Variants in PDE4D observed in about 807,000 individuals in gnomAD.
PDE4D encodes 3',5'-cyclic-AMP phosphodiesterase 4D.
In PDE4D, 24 loss-of-function variants were observed where a neutral mutation model predicts 87.4. The observed-to-expected ratio is 0.27, with a 90% CI of 0.20 to 0.39. The LOEUF (loss-of-function observed/expected upper bound fraction) is 0.39, where lower values mean the gene tolerates loss of function less well. PDE4D is among the 10% of genes least tolerant of loss of function. The probability of loss-of-function intolerance (pLI) is 1.00; values close to 1 mark genes in which losing one functional copy is unlikely to be tolerated. For missense variants in PDE4D, 714 were observed against 1,041.0 expected (o/e 0.69, Z 4.32); for synonymous variants, 384 against 383.2 (o/e 1.00, Z -0.02).
At chr5:59,227,082 A>G (rs1025596999) in intron 1 of PDE4D, among the ~76,000 whole-genome samples, 1 of 152,172 alleles carries the variant, frequency 6.6e-6, no homozygotes, top group Non-Finnish European at 1.5e-5. Context: ...ACTCAGTTTT[A>G]TTTTCCTTGT....
chr5:59,031,429 C>T (rs1289373942), intron 6 of PDE4D, among the ~76,000 whole-genome samples: 3 of 136,272 alleles, frequency 2.2e-5, no homozygotes, highest in Non-Finnish European at 3.1e-5. Context: ...TTATACAGGC[C>T]GGGCGCAGTG....
intron 1 of PDE4D, among the ~76,000 whole-genome samples, chr5:59,699,508 G>A (rs1372683161): frequency 6.6e-6 from 1 of 152,120 alleles, no homozygotes; most frequent in Non-Finnish European, 1.5e-5. Flanking sequence ...TAAGACTGCA[G>A]GAAATTAAGA....
chr5:59,032,364 G>A (rs765252241), intron 6 of PDE4D, among the ~76,000 whole-genome samples: 5 of 152,114 alleles, frequency 3.3e-5, no homozygotes, highest in African/African-American at 7.2e-5. Flanking sequence ...GGAGGATCAC[G>A]AGGTCAAGAG....
chr5:59,778,003 G>A (rs1764249302), intron 1 of PDE4D, among the ~76,000 whole-genome samples: 1 of 152,098 alleles, frequency 6.6e-6, no homozygotes. Flanking sequence ...TTACATAATT[G>A]AAAGGTAAAC....
chr5:59,214,329 A>G (rs1275753260), intron 2 of PDE4D, among the ~76,000 whole-genome samples: 1 of 152,138 alleles, frequency 6.6e-6, no homozygotes, highest in Non-Finnish European at 1.5e-5. Flanking sequence ...ACTGTATTTG[A>G]AATTTTCTTC....
chr5:59,553,216 CCCCTCACTTT>C (rs1818398912), intron 1 of PDE4D, among the ~76,000 whole-genome samples: 1 of 152,090 alleles, frequency 6.6e-6, no homozygotes, highest in African/African-American at 2.4e-5. Context: ...TCATCCTAGG[CCCCTCACTTT>C]CCCTCACTCC....
In PDE4D at chr5:60,332,300, A is replaced by G. The variant is rs1281503000; in HGVS notation, c.-89-146613T>C. 7.2e-5 allele frequency among the ~76,000 whole-genome samples: 11 copies of G among 152,306 alleles called. No individual in the cohort carries two copies. The East Asian group carries it at 2.1e-3, about 29-fold the overall frequency. On this transcript the variant is annotated intron_variant, in intron 1 of 16. Transcript: ENST00000502484. ...CTGTTGTCCAGATAGTGAACATAGTATCCAAAAGGAAGTTGTTTAGCCCTT... is the reference window on the plus strand; with the variant it reads ...CTGTTGTCCAGATAGTGAACATAGTGTCCAAAAGGAAGTTGTTTAGCCCTT...
At chr5:60,388,386 T>C (rs1343358611) in intron 1 of PDE4D, among the ~76,000 whole-genome samples, 1 of 148,422 alleles carries the variant, frequency 6.7e-6, no homozygotes, top group African/African-American at 2.6e-5. Context: ...GGTTTTTTCT[T>C]TATTTTTTCT....
intron 2 of PDE4D, among the ~76,000 whole-genome samples, chr5:59,207,247 T>C (rs1211935782): frequency 6.6e-6 from 1 of 152,062 alleles, no homozygotes; most frequent in Admixed American, 6.6e-5. Context: ...CACTGGAGCA[T>C]GGTTTTGATT....
At chr5:60,402,676 G>T (rs1237773496) in intron 1 of PDE4D, among the ~76,000 whole-genome samples, 1 of 152,202 alleles carries the variant, frequency 6.6e-6, no homozygotes. Context: ...TGAAGATCAC[G>T]TTTGGAGCAG....
intron 3 of PDE4D, among the ~76,000 whole-genome samples, chr5:59,190,664 C>T (rs1744108077): frequency 6.6e-6 from 1 of 151,992 alleles, no homozygotes; most frequent in Non-Finnish European, 1.5e-5. Flanking sequence ...AAGTGCTTTA[C>T]TTTGTATTAA....
intron 1 of PDE4D, among the ~76,000 whole-genome samples, chr5:59,679,498 C>T (rs73758848): frequency 0.072 from 10,954 of 152,202 alleles, 1,221 homozygotes; most frequent in African/African-American, 0.24. Flanking sequence ...TTCTGTAATA[C>T]AAACCCTTTG....
chr5:60,251,353 C>G (rs1023449885), intron 1 of PDE4D, among the ~76,000 whole-genome samples: 3 of 151,896 alleles, frequency 2.0e-5, no homozygotes, highest in South Asian at 2.1e-4. Context: ...ATCCTCTCCC[C>G]CTTCCCACTG....
intron 5 of PDE4D, among the ~76,000 whole-genome samples, chr5:59,045,088 A>C (rs1410954241): frequency 6.6e-6 from 1 of 152,192 alleles, no homozygotes; most frequent in Non-Finnish European, 1.5e-5. Context: ...TGTAGAGTGC[A>C]CTCTCACAGA....
At chr5:59,813,292 A>T (rs1475330662) in intron 1 of PDE4D, among the ~76,000 whole-genome samples, 2 of 152,206 alleles carry the variant, frequency 1.3e-5, no homozygotes, top group Non-Finnish European at 2.9e-5. Context: ...TCTCTTTATT[A>T]CACGTCTTTG....
chr5:60,240,522 A>G (rs57587828), intron 1 of PDE4D, among the ~76,000 whole-genome samples: 37,093 of 151,972 alleles, frequency 0.24, 5,136 homozygotes, highest in East Asian at 0.67. Flanking sequence ...CAGTACCTTA[A>G]GTACGGCCAG....
intron 5 of PDE4D, among the ~76,000 whole-genome samples, chr5:59,127,783 G>A (rs1345379182): frequency 1.3e-5 from 2 of 151,996 alleles, no homozygotes; most frequent in Admixed American, 6.6e-5. Flanking sequence ...AGTCCTCAGA[G>A]GCTCCTCTTA....
Position 59,830,693 on chromosome 5 carries a change from G to A in PDE4D, c.455+62475C>T, listed in dbSNP as rs964801555. On this transcript the variant is annotated intron_variant, in intron 1 of 14. Transcript: ENST00000340635. ...CCACACTGACAGAGAGATAAAGAAC[G>A]TGTAGAGAATTGAAAAACATCAAAT... Among the ~76,000 whole-genome samples the A allele has an allele frequency of 4.6e-5, 7 of 152,034 alleles. No individual in the cohort carries two copies. The East Asian group carries it at 5.8e-4, about 13-fold the overall frequency.
At chr5:59,158,322 A>T (rs1031464595) in intron 5 of PDE4D, among the ~76,000 whole-genome samples, 1 of 152,214 alleles carries the variant, frequency 6.6e-6, no homozygotes, top group Non-Finnish European at 1.5e-5. Flanking sequence ...TATGGGCTGC[A>T]GTCAAGCTGG....
Sources: gnomAD v4.1 joint callset for allele counts (sites outside exome capture counted in the v4.1 genomes callset) on GRCh38, gnomAD v4.1.1 for gene constraint, MANE v1.5 for transcripts, NCBI Gene and HGNC (gene_info 2026-07-23, HGNC 2026-07-21) for gene names.